Variants in PIP5K1B observed in about 807,000 individuals in gnomAD.
The protein encoded by PIP5K1B is phosphatidylinositol-4-phosphate 5-kinase type 1 beta.
PIP5K1B carries 42 observed loss-of-function variants against 67.0 expected under a neutral mutation model. The ratio of observed to expected loss-of-function variants is 0.63; its 90% confidence interval spans 0.49 to 0.81. PIP5K1B has a LOEUF of 0.81. Among genes scored for constraint, PIP5K1B ranks in the 30% least tolerant of loss-of-function variants. The pLI is 0.00. For missense variants in PIP5K1B, 459 were observed against 646.3 expected (o/e 0.71, Z 3.14); for synonymous variants, 214 against 231.4 (o/e 0.92, Z 0.68).
rs565129924 is a variant in PIP5K1B, at chr9:68,942,461, AGTGGTG to A, written c.1502+1692_1502+1697del. Among the ~76,000 whole-genome samples, 1,062 of 151,676 alleles carry A rather than the reference AGTGGTG, an allele frequency of 7.0e-3. 2 individuals are homozygous for A. The highest frequency in any genetic ancestry group is 0.012 in the African/African-American group (477 of 41,338). ...TTGTTTTGTTTTGTGTTTTGGTAGC[AGTGGTG>A]GTGGTGGTGGTGGTGGTGGTAAGTA... is the stretch of plus-strand genomic sequence containing the variant. On this transcript the variant is annotated intron_variant, in intron 14 of 15. Transcript: ENST00000265382.
chr9:68,708,541 G>GCCCCCC (rs35373175), intron 1 of PIP5K1B, among the ~76,000 whole-genome samples: 29 of 145,596 alleles, frequency 2.0e-4, no homozygotes, highest in Admixed American at 7.7e-4. Flanking sequence ...TTTGTTTGCC[G>GCCCCCC]CCCCCCCGCC....
At chr9:68,812,909 T>A (rs573027942) in intron 2 of PIP5K1B, among the ~76,000 whole-genome samples, 1 of 152,244 alleles carries the variant, frequency 6.6e-6, no homozygotes, top group Admixed American at 6.5e-5. Flanking sequence ...TCTATCATTA[T>A]GGAATTTTGA....
At chr9:68,912,692 C>T (rs951816966) in intron 8 of PIP5K1B, among the ~76,000 whole-genome samples, 24 of 152,134 alleles carry the variant, frequency 1.6e-4, no homozygotes, top group African/African-American at 3.1e-4. Context: ...AGTGGGGGAG[C>T]CATGAGTCAA....
intron 11 of PIP5K1B, among the ~76,000 whole-genome samples, chr9:68,922,760 C>A (rs1826475413): frequency 6.6e-6 from 1 of 152,184 alleles, no homozygotes; most frequent in African/African-American, 2.4e-5. Flanking sequence ...TAATTCAATG[C>A]AAAGGAGTCA....
intron 2 of PIP5K1B, among the ~76,000 whole-genome samples, chr9:68,770,296 C>G (rs574661170): frequency 5.3e-5 from 8 of 152,324 alleles, no homozygotes; most frequent in African/African-American, 1.9e-4. Context: ...TATACCTACT[C>G]CTCTCCCTCA....
intron 2 of PIP5K1B, among the ~76,000 whole-genome samples, chr9:68,801,827 G>A (rs1281215755): frequency 1.3e-5 from 2 of 152,220 alleles, no homozygotes; most frequent in Admixed American, 1.3e-4. Flanking sequence ...GTTAGGTTGA[G>A]TTCTGATGGA....
At chr9:68,869,073 C>T (rs1823498967) in intron 5 of PIP5K1B, among the ~76,000 whole-genome samples, 1 of 152,160 alleles carries the variant, frequency 6.6e-6, no homozygotes, top group Non-Finnish European at 1.5e-5. Context: ...GACAAACTAG[C>T]CAACTGCCTG....
intron 5 of PIP5K1B, among the ~76,000 whole-genome samples, chr9:68,869,227 T>C (rs544289892): frequency 2.0e-5 from 3 of 152,276 alleles, no homozygotes; most frequent in Admixed American, 1.3e-4. Context: ...GGCAAGCAAG[T>C]ATTACAAGGG....
intron 8 of PIP5K1B, among the ~76,000 whole-genome samples, chr9:68,903,510 T>G (rs1825463647): frequency 6.6e-6 from 1 of 152,232 alleles, no homozygotes; most frequent in Admixed American, 6.5e-5. Flanking sequence ...AGGTGGCAAC[T>G]GGTGTCGCCA....
In PIP5K1B at chr9:68,917,646, TGTG is replaced by T. The variant is rs758203559; in HGVS notation, c.871_873del (p.Val291del). On this transcript the variant is annotated inframe_deletion, in exon 9 of 16. Transcript: ENST00000265382. Reference sequence around the variant, plus strand: ...AGAAAGAGGAGGAGACCCCACAAAATGTGCCTGATGCTAAGCGGACTGGGATGC... The same window carrying T: ...AGAAAGAGGAGGAGACCCCACAAAATCCTGATGCTAAGCGGACTGGGATGC... 1.2e-6 allele frequency: 2 copies of T among 1,614,054 alleles called. No homozygotes were observed. Among genetic ancestry groups the T allele is most frequent in the South Asian group, 1.1e-5 (1 of 91,074 alleles).
At chr9:68,780,185 G>A (rs1224010990) in intron 2 of PIP5K1B, 2 of 1,533,128 alleles carry the variant, frequency 1.3e-6, no homozygotes, top group Non-Finnish European at 8.7e-7. Flanking sequence ...AGAAGATGGA[G>A]CTAGACCTGG....
At chr9:68,713,636 G>A (rs1827500630) in intron 1 of PIP5K1B, among the ~76,000 whole-genome samples, 1 of 152,148 alleles carries the variant, frequency 6.6e-6, no homozygotes, top group African/African-American at 2.4e-5. Flanking sequence ...CCCTCTGCCA[G>A]TCTTGGCTTT....
At chr9:68,946,093 T>C (rs888664134) in intron 14 of PIP5K1B, among the ~76,000 whole-genome samples, 3 of 152,256 alleles carry the variant, frequency 2.0e-5, no homozygotes, top group African/African-American at 7.2e-5. Context: ...TTATTAGATA[T>C]GTTCCTGCTG....
intron 14 of PIP5K1B, among the ~76,000 whole-genome samples, chr9:68,952,994 G>A (rs1218527326): frequency 6.6e-6 from 1 of 151,858 alleles, no homozygotes; most frequent in African/African-American, 2.4e-5. Context: ...AGCACTCAGG[G>A]GACCTTTTCA....
intron 4 of PIP5K1B, among the ~76,000 whole-genome samples, chr9:68,831,525 A>T (rs1355873701): frequency 3.3e-5 from 5 of 152,062 alleles, no homozygotes; most frequent in Non-Finnish European, 5.9e-5. Context: ...GATCTGTAAG[A>T]CCCTACCCAC....
chr9:68,729,291 T>G (rs1828302664), intron 1 of PIP5K1B, among the ~76,000 whole-genome samples: 1 of 152,184 alleles, frequency 6.6e-6, no homozygotes, highest in Non-Finnish European at 1.5e-5. Context: ...ATAAGAACTT[T>G]TCAAATTCTT....
At chr9:68,919,123 ATT>A (rs1587665937) in intron 9 of PIP5K1B, among the ~76,000 whole-genome samples, 1 of 152,164 alleles carries the variant, frequency 6.6e-6, no homozygotes, top group East Asian at 1.9e-4. Flanking sequence ...AAAGTATTGC[ATT>A]TTTTAAAAGG....
chr9:68,910,974 A>C lies in PIP5K1B; in HGVS notation c.772-6574A>C, dbSNP rs1239916911. ...ATATTAGTGAGGACTTTCTATGTCA[A>C]ATTGAAGCACTGGCACCAAGCAGTG... On this transcript the variant is annotated intron_variant, in intron 8 of 15. Coordinates refer to ENST00000265382, the MANE Select transcript of PIP5K1B (RefSeq NM_003558.4). 2.0e-5 allele frequency among the ~76,000 whole-genome samples: 3 copies of C among 152,240 alleles called. No homozygotes were observed. In the East Asian group the frequency reaches 5.8e-4, roughly 29 times the overall value.
Position 68,981,904 on chromosome 9 carries a change from C to T in PIP5K1B, c.1503-9236C>T, listed in dbSNP as rs1829897686. On this transcript the variant is annotated intron_variant, in intron 14 of 15. Coordinates refer to ENST00000265382, the MANE Select transcript of PIP5K1B (RefSeq NM_003558.4). ...AAGAAAAATCGCTCCTCCTGTACTG[C>T]TCTCACCTGTGAGAAGTTTATGACT... 2.6e-5 allele frequency among the ~76,000 whole-genome samples: 4 copies of T among 152,266 alleles called. No homozygotes were observed. The South Asian group carries it at 8.3e-4, about 32-fold the overall frequency.
Sources: gnomAD v4.1 joint callset for allele counts (sites outside exome capture counted in the v4.1 genomes callset) on GRCh38, gnomAD v4.1.1 for gene constraint, MANE v1.5 for transcripts, NCBI Gene and HGNC (gene_info 2026-07-23, HGNC 2026-07-21) for gene names.